Variants in PCYT1A observed in about 807,000 individuals in gnomAD.
The protein encoded by PCYT1A is choline-phosphate cytidylyltransferase A.
A neutral mutation model predicts 43.7 loss-of-function variants in PCYT1A; 25 were observed. That is an observed-to-expected ratio of 0.57 (90% confidence interval 0.42 to 0.80). The LOEUF is 0.80. Among genes scored for constraint, PCYT1A ranks in the 30% least tolerant of loss-of-function variants. The pLI is 0.00. For missense variants in PCYT1A, 421 were observed against 474.2 expected, an observed-to-expected ratio of 0.89 and a Z score of 1.04; for synonymous variants, 172 against 170.7, an observed-to-expected ratio of 1.01 and a Z score of -0.06.
chr3:196,268,608 G>T lies in PCYT1A; in HGVS notation c.117+1807C>A, dbSNP rs1017467110. Among the ~76,000 whole-genome samples the T allele has an allele frequency of 3.3e-5, 5 of 151,914 alleles. No individual in the cohort carries two copies. The highest frequency in any genetic ancestry group is 7.4e-5 in the Non-Finnish European group (5 of 68,006). ...AAGACCAGCCTGGGCAACATAGCAA[G>T]ACCCTTACTCTAAAAATAAAAATAA... is the stretch of plus-strand genomic sequence containing the variant. On this transcript the variant is annotated intron_variant, in intron 2 of 8. Transcript: ENST00000431016. This position sits in a 1 kb window ranked among gnomAD's most constrained non-coding sequence, Gnocchi z 4.4.
rs1404864114 is a variant in PCYT1A, at chr3:196,270,615, G to C, written c.-10-74C>G. ...AGTTTGTCACCAGTATTTCAGAGACGTTGACGTGGATACACTCAGCAAAAT... is the reference window on the plus strand; with the variant it reads ...AGTTTGTCACCAGTATTTCAGAGACCTTGACGTGGATACACTCAGCAAAAT... On this transcript the variant is annotated intron_variant, in intron 1 of 8. Transcript: ENST00000431016. 5.4e-6 allele frequency: 5 copies of C among 931,332 alleles called. No homozygotes were observed. The East Asian group carries it at 1.2e-4, about 22-fold the overall frequency. The allele number at this position is 931,332 out of a possible 1,614,324, so 57.7% of individuals were successfully genotyped here.
intron 2 of PCYT1A, among the ~76,000 whole-genome samples, chr3:196,258,710 C>T (rs529103108): frequency 7.6e-4 from 116 of 152,144 alleles, no homozygotes; most frequent in African/African-American, 2.6e-3. Flanking sequence ...ACCTCAGCCT[C>T]CCGAGTAGCT....
chr3:196,254,509 C>T (rs1236774196), intron 3 of PCYT1A, among the ~76,000 whole-genome samples: 1 of 152,054 alleles, frequency 6.6e-6, no homozygotes, highest in Admixed American at 6.6e-5. Context: ...CACCACCACA[C>T]CTGGCTAATT....
chr3:196,254,121 G>A (rs957276776), intron 3 of PCYT1A, among the ~76,000 whole-genome samples: 1 of 150,842 alleles, frequency 6.6e-6, no homozygotes, highest in Non-Finnish European at 1.5e-5. Flanking sequence ...CTGCCTCCCA[G>A]GCTCAAGTGA....
At chr3:196,257,659 G>A (rs545649628) in intron 3 of PCYT1A, 129 bp downstream of exon 3, 1 of 591,310 alleles carries the variant, frequency 1.7e-6, no homozygotes, top group East Asian at 2.8e-5. Context: ...CAGGTGAGAA[G>A]AACCCCTTCG....
At chr3:196,267,539 C>T (rs369739799) in intron 2 of PCYT1A, among the ~76,000 whole-genome samples, 1 of 151,964 alleles carries the variant, frequency 6.6e-6, no homozygotes, top group Non-Finnish European at 1.5e-5. Context: ...CATAGTGAGA[C>T]CCCATCCCTA....
At chr3:196,240,261 C>T (rs1311555477) in intron 7 of PCYT1A, among the ~76,000 whole-genome samples, 5 of 151,898 alleles carry the variant, frequency 3.3e-5, no homozygotes, top group African/African-American at 7.3e-5. Flanking sequence ...GCTTTTTGTT[C>T]CTTTAGTATT....
Position 196,237,184 on chromosome 3 carries a change from A to G in PCYT1A, c.*1504T>C. 6.6e-6 allele frequency: 1 copy of G among 152,396 alleles called. No homozygotes were observed. The highest frequency in any genetic ancestry group is 1.5e-5 in the Non-Finnish European group (1 of 68,096). 9.4% of individuals were successfully genotyped at this position (152,396 alleles called of 1,614,324 possible). A position where few individuals can be genotyped will look rare whatever the true frequency, so the allele number is the denominator to read the frequency against. On this transcript the variant is annotated 3_prime_UTR_variant, in exon 9 of 9. Coordinates refer to ENST00000431016, the MANE Select transcript of PCYT1A (RefSeq NM_001312673.2). ...CCCACAAGGGGTATTTATGAGTGAC[A>G]GGGGTGGGGCCTGGACATAAGCAAT...
At chr3:196,241,378 G>T in intron 7 of PCYT1A, 1 of 397,472 alleles carries the variant, frequency 2.5e-6, no homozygotes, top group Non-Finnish European at 4.6e-6. Flanking sequence ...TAGAGATGGG[G>T]TCTCGCTATG....
At chr3:196,274,181 G>A (rs1427846749) in intron 1 of PCYT1A, among the ~76,000 whole-genome samples, 1 of 152,238 alleles carries the variant, frequency 6.6e-6, no homozygotes, top group Non-Finnish European at 1.5e-5. Flanking sequence ...CCAGGCAGTG[G>A]GAGCAGGCAC....
intron 1 of PCYT1A, among the ~76,000 whole-genome samples, chr3:196,283,182 C>T (rs1203486476): frequency 1.3e-5 from 2 of 152,108 alleles, no homozygotes; most frequent in African/African-American, 4.8e-5. Flanking sequence ...TACTAAAATA[C>T]AAAAATTAGC....
At chr3:196,258,267 C>A (rs1447238028) in intron 2 of PCYT1A, among the ~76,000 whole-genome samples, 1 of 139,870 alleles carries the variant, frequency 7.1e-6, no homozygotes, top group Admixed American at 7.7e-5. Context: ...GCCTAGCCCA[C>A]AGGGCAAGAC....
In PCYT1A at chr3:196,270,410, C is replaced by T. The variant is rs375529354; in HGVS notation, c.117+5G>A. ...CCTCCCCCTGCCAGGTTAATCTCCA[C>T]TTACCACTGCACAGCGCTGCACTTT... On this transcript the variant is annotated splice_donor_5th_base_variant and intron_variant, in intron 2 of 8. Coordinates refer to ENST00000431016, the MANE Select transcript of PCYT1A (RefSeq NM_001312673.2). The T allele has an allele frequency of 1.0e-4, 162 of 1,592,432 alleles. No homozygotes were observed. The highest frequency in any genetic ancestry group is 1.3e-4 in the Non-Finnish European group (151 of 1,160,370).
intron 1 of PCYT1A, among the ~76,000 whole-genome samples, chr3:196,279,529 G>A (rs896665999): frequency 5.3e-5 from 8 of 152,056 alleles, no homozygotes; most frequent in African/African-American, 1.7e-4. Context: ...TTTTTACTCC[G>A]ACTCACAAAG....
At chr3:196,266,376 G>GT (rs1323223650) in intron 2 of PCYT1A, among the ~76,000 whole-genome samples, 3 of 151,878 alleles carry the variant, frequency 2.0e-5, no homozygotes, top group African/African-American at 7.3e-5. Context: ...GGGAGGCTGA[G>GT]GCAGGAAAAT....
At chr3:196,250,033 T>G (rs1724700911) in intron 3 of PCYT1A, among the ~76,000 whole-genome samples, 1 of 149,084 alleles carries the variant, frequency 6.7e-6, no homozygotes, top group Non-Finnish European at 1.5e-5. Context: ...AGATACACCA[T>G]GCCGAGGCTG....
At position 196,241,131 on chromosome 3, in the gene PCYT1A, TAAAA is replaced by T. The variant is rs1209954920; in HGVS notation, c.708+813_708+816del. ...AAACATGGCAAAACCCCATCTCTGC[TAAAA>T]AAAAAAAAAAAAAAAAAAAAAAAAA... On this transcript the variant is annotated intron_variant, in intron 7 of 8. Coordinates refer to ENST00000431016, the MANE Select transcript of PCYT1A (RefSeq NM_001312673.2). 2.4e-4 allele frequency among the ~76,000 whole-genome samples: 12 copies of T among 49,700 alleles called. 1 individual carries two copies. In the Admixed American group the frequency reaches 3.3e-3, roughly 13 times the overall value. The allele number at this position is 49,700 out of a possible 152,430, so 32.6% of individuals were successfully genotyped here.
At chr3:196,285,333 C>G (rs1725879571) in intron 1 of PCYT1A, among the ~76,000 whole-genome samples, 1 of 152,136 alleles carries the variant, frequency 6.6e-6, no homozygotes, top group South Asian at 2.1e-4. Context: ...GTGGCACATG[C>G]CTGTAGTCCC....
At chr3:196,249,833 G>A (rs1182009581) in intron 3 of PCYT1A, among the ~76,000 whole-genome samples, 1 of 151,898 alleles carries the variant, frequency 6.6e-6, no homozygotes, top group East Asian at 1.9e-4. Flanking sequence ...TGCTGAGGCT[G>A]AGGACCAGAT....
Sources: allele counts gnomAD v4.1 joint callset (sites outside exome capture counted in the v4.1 genomes callset), GRCh38; gene constraint gnomAD v4.1.1; non-coding constraint Gnocchi (gnomAD v3.1); transcripts MANE v1.5; gene names NCBI Gene and HGNC (gene_info 2026-07-23, HGNC 2026-07-21).